The following DHRSX variants were observed in gnomAD, a reference collection of about 807,000 sequenced individuals.
The protein encoded by DHRSX is dehydrogenase/reductase X-linked, also known as polyprenol dehydrogenase.
A neutral mutation model predicts 34.0 loss-of-function variants in DHRSX; 31 were observed. That is an observed-to-expected ratio of 0.91 (90% confidence interval 0.69 to 1.23). The LOEUF (loss-of-function observed/expected upper bound fraction) is 1.23. Among genes scored for constraint, DHRSX ranks in the 50% most tolerant of loss-of-function variants. The pLI, the probability that DHRSX is intolerant of heterozygous loss-of-function variation, is 0.00. For synonymous variants in DHRSX, 201 were observed against 183.8 expected, an observed-to-expected ratio of 1.09 and a Z score of -0.76; for missense variants, 414 against 428.1, an observed-to-expected ratio of 0.97 and a Z score of 0.29.
intron 4 of DHRSX, among the ~76,000 whole-genome samples, chrX:2,276,033 G>A (rs1197356389): frequency 9.9e-5 from 15 of 151,904 alleles, no homozygotes; most frequent in Non-Finnish European, 1.6e-4. Context: ...TAGTAGAGAC[G>A]GGATTTCACC....
chrX:2,348,143 T>C (rs2042743953), intron 3 of DHRSX, among the ~76,000 whole-genome samples: 1 of 152,080 alleles, frequency 6.6e-6, no homozygotes, highest in East Asian at 1.9e-4. Flanking sequence ...GTTAGTATTA[T>C]AGGCAAAGCA....
intron 1 of DHRSX, among the ~76,000 whole-genome samples, chrX:2,455,896 A>T (rs1223092172): frequency 6.6e-6 from 1 of 152,020 alleles, no homozygotes; most frequent in Non-Finnish European, 1.5e-5. Context: ...CACGACACCA[A>T]CGTTGAGTGT....
chrX:2,377,271 T>A (rs2043152083), intron 3 of DHRSX, among the ~76,000 whole-genome samples: 1 of 151,892 alleles, frequency 6.6e-6, no homozygotes, highest in South Asian at 2.1e-4. Flanking sequence ...AATGAAGTAA[T>A]TCTACAATAC....
At chrX:2,312,599 A>G (rs1449532352) in intron 3 of DHRSX, among the ~76,000 whole-genome samples, 7 of 152,028 alleles carry the variant, frequency 4.6e-5, no homozygotes, top group African/African-American at 2.4e-5. Context: ...GGGGAGGGAG[A>G]GCATTAGGAC....
At chrX:2,351,528 T>G (rs1222452470) in intron 3 of DHRSX, among the ~76,000 whole-genome samples, 1 of 152,060 alleles carries the variant, frequency 6.6e-6, no homozygotes, top group African/African-American at 2.4e-5. Flanking sequence ...GGCCACCCAA[T>G]GGGAGAAAGA....
At chrX:2,227,215 G>A (rs2015687297) in intron 6 of DHRSX, among the ~76,000 whole-genome samples, 1 of 151,976 alleles carries the variant, frequency 6.6e-6, no homozygotes, top group African/African-American at 2.4e-5. Context: ...GAACAACTCA[G>A]TGTCATCAGC....
At chrX:2,282,714 AGGAGAGAGGGAGGGAG>A (rs1227919276) in intron 4 of DHRSX, among the ~76,000 whole-genome samples, 20 of 112,674 alleles carry the variant, frequency 1.8e-4, no homozygotes, top group Non-Finnish European at 3.0e-4. Flanking sequence ...GAGGGAAGGA[AGGAGAGAGGGAGGGAG>A]GGAGAGGGAG....
At chrX:2,421,145 G>A (rs1415301014) in intron 2 of DHRSX, among the ~76,000 whole-genome samples, 1 of 152,122 alleles carries the variant, frequency 6.6e-6, no homozygotes, top group Admixed American at 6.5e-5. Context: ...TTGGGAAGCC[G>A]AGGCAGGCAG....
chrX:2,477,320 C>T (rs974239371), intron 1 of DHRSX, among the ~76,000 whole-genome samples: 1 of 152,164 alleles, frequency 6.6e-6, no homozygotes, highest in African/African-American at 2.4e-5. Context: ...ATTAAGGTGC[C>T]CACAGCATCC....
intron 5 of DHRSX, among the ~76,000 whole-genome samples, chrX:2,265,999 C>T (rs1198519122): frequency 1.7e-5 from 2 of 120,050 alleles, no homozygotes; most frequent in African/African-American, 3.4e-5. Context: ...AGCACCAGTG[C>T]TCGGCAGACG....
chrX:2,376,666 C>T lies in DHRSX; in HGVS notation c.286+32079G>A, dbSNP rs149736099. ...AATTAGGTTGCATTAGAGTAGTGTA[C>T]GCTGTTAACTGAATAACTGGTGTCC... On this transcript the variant is annotated intron_variant, in intron 3 of 6. Coordinates refer to ENST00000334651, the MANE Select transcript of DHRSX (RefSeq NM_145177.3). Among the ~76,000 whole-genome samples the T allele has an allele frequency of 8.3e-5, 11 of 132,786 alleles. 3 individuals carry two copies. The highest frequency in any genetic ancestry group is 2.4e-4 in the South Asian group (1 of 4,214). 87.1% of individuals were successfully genotyped at this position (132,786 alleles called of 152,430 possible).
At chrX:2,241,683 T>C (rs1602781208) in intron 6 of DHRSX, among the ~76,000 whole-genome samples, 2 of 151,826 alleles carry the variant, frequency 1.3e-5, no homozygotes, top group Admixed American at 1.3e-4. Context: ...CCGAGGCGGG[T>C]GGATCACCTG....
In DHRSX at chrX:2,425,234, C is replaced by A; in HGVS notation, c.180G>T (p.Ala60=). The A allele has an allele frequency of 6.2e-7, 1 of 1,613,782 alleles. No individual in the cohort carries two copies. Among genetic ancestry groups the A allele is most frequent in the Non-Finnish European group, 8.5e-7 (1 of 1,179,820 alleles). ...GCATGCCAAGTCTCGCCAGATGCTTCGCTGTAGAATAGCCAATGCCATCTG... is the reference window on the plus strand; with the variant it reads ...GCATGCCAAGTCTCGCCAGATGCTTAGCTGTAGAATAGCCAATGCCATCTG... ...GGTDGIGYST[A]KHLARLGMHV... is the part of the protein sequence containing the mutation. Residue 60 remains alanine, a synonymous_variant, in exon 2 of 7, where the codon GCG becomes GCT. Transcript: ENST00000334651.
intron 6 of DHRSX, among the ~76,000 whole-genome samples, chrX:2,227,284 T>G (rs2015688780): frequency 6.9e-6 from 1 of 145,066 alleles, no homozygotes. Flanking sequence ...AAGGGTTGAG[T>G]GAAAGGGAAG....
At chrX:2,308,232 C>T (rs2042123322) in intron 3 of DHRSX, among the ~76,000 whole-genome samples, 1 of 151,770 alleles carries the variant, frequency 6.6e-6, no homozygotes, top group Admixed American at 6.6e-5. Flanking sequence ...ACAGCTTCAG[C>T]CAACGAGGGC....
chrX:2,464,335 A>C (rs867273317), intron 1 of DHRSX, among the ~76,000 whole-genome samples: 7 of 67,506 alleles, frequency 1.0e-4, no homozygotes, highest in Admixed American at 9.3e-4. Flanking sequence ...GTTCCCTAGC[A>C]ATCCGGCCAA....
At chrX:2,435,461 GAAA>G (rs10606301) in intron 1 of DHRSX, among the ~76,000 whole-genome samples, 30 of 144,070 alleles carry the variant, frequency 2.1e-4, no homozygotes, top group African/African-American at 5.8e-4. Flanking sequence ...ACCTTAATTG[GAAA>G]AAAAAAAAAA....
At chrX:2,464,207 C>T (rs1216023315) in intron 1 of DHRSX, among the ~76,000 whole-genome samples, 1 of 149,432 alleles carries the variant, frequency 6.7e-6, no homozygotes, top group Non-Finnish European at 1.5e-5. Context: ...AAGGGACCGC[C>T]GTGTACACAC....
chrX:2,304,339 T>TGGATGGATG (rs2042074665), intron 3 of DHRSX, among the ~76,000 whole-genome samples: 1 of 117,958 alleles, frequency 8.5e-6, no homozygotes, highest in Non-Finnish European at 1.8e-5. Flanking sequence ...ATGGATGAAC[T>TGGATGGATG]GATGGATGGA....
Sources: allele counts gnomAD v4.1 joint callset (sites outside exome capture counted in the v4.1 genomes callset), GRCh38; gene constraint gnomAD v4.1.1; transcripts MANE v1.5; gene names NCBI Gene and HGNC (gene_info 2026-07-23, HGNC 2026-07-21).